The following ANK1 variants were observed in gnomAD, a reference collection of about 807,000 sequenced individuals.
ANK1 encodes the protein ankyrin-1.
ANK1 carries 51 observed loss-of-function variants against 210.4 expected under a neutral mutation model. That is an observed-to-expected ratio of 0.24 (90% CI 0.19 to 0.31). The LOEUF (loss-of-function observed/expected upper bound fraction) is 0.31. Ranked by LOEUF, ANK1 falls within the 10% of genes least tolerant of loss-of-function variation. The probability of loss-of-function intolerance (pLI) is 1.00; values close to 1 mark genes in which losing one functional copy is unlikely to be tolerated. For missense variants in ANK1, 2,051 were observed against 2,504.4 expected (o/e 0.82, Z 3.86); for synonymous variants, 967 against 1,025.9 (o/e 0.94, Z 1.10).
chr8:41,693,853 C>A (rs116835550), intron 29 of ANK1, 45 bp downstream of exon 29: 1 of 1,559,974 alleles, frequency 6.4e-7, no homozygotes, highest in East Asian at 2.4e-5. Context: ...GTTCCAGACG[C>A]ACTGCAGCAG....
Position 41,725,803 on chromosome 8 carries a change from C to T in ANK1, c.570G>A (p.Ala190=), listed in dbSNP as rs750102641. The change falls in exon 6 of 43, where the codon GCG becomes GCA. Residue 190 remains alanine, a synonymous_variant. Coordinates refer to ENST00000289734, the MANE Select transcript of ANK1 (RefSeq NM_000037.4). ...GGTTGGGGTCGTTCTGCAGCAGCAC[C>T]GCAGCCGTGCGCGTGTCGTCGTTGC... ...AARNDDTRTA[A]VLLQNDPNPD... is the part of the protein sequence containing the mutation. 1 of 1,611,676 alleles carries T rather than the reference C, an allele frequency of 6.2e-7. No homozygotes were observed. Among genetic ancestry groups the T allele is most frequent in the African/African-American group, 1.3e-5 (1 of 75,022 alleles).
At chr8:41,751,751 G>A (rs961427246) in intron 2 of ANK1, among the ~76,000 whole-genome samples, 6 of 152,002 alleles carry the variant, frequency 3.9e-5, no homozygotes, top group Admixed American at 2.6e-4. Flanking sequence ...CAGTCTTGCC[G>A]CTCTTGTCCC....
chr8:41,800,209 C>CA (rs1849644328), upstream of ANK1, among the ~76,000 whole-genome samples: 1 of 152,122 alleles, frequency 6.6e-6, no homozygotes, highest in South Asian at 2.1e-4. Flanking sequence ...CTTTGTTTAA[C>CA]AAACATATAT....
intron 21 of ANK1, 144 bp from the exon 22 acceptor site, chr8:41,701,766 C>T: frequency 5.5e-6 from 5 of 910,848 alleles, no homozygotes; most frequent in Admixed American, 2.0e-5. Flanking sequence ...TGGAAGCTGC[C>T]GGGCAGGAAC....
At chr8:41,767,278 G>GGCCCCGGCCCCGATCCCCGC (rs1842041655) in intron 1 of ANK1, among the ~76,000 whole-genome samples, 1 of 151,724 alleles carries the variant, frequency 6.6e-6, no homozygotes, top group Non-Finnish European at 1.5e-5. Context: ...CCCCGGCCCC[G>GGCCCCGGCCCCGATCCCCGC]GCCCCGGCCC....
chr8:41,706,262 A>G, intron 17 of ANK1, 21 bp from the exon 18 acceptor site: 3 of 1,601,630 alleles, frequency 1.9e-6, no homozygotes, highest in Non-Finnish European at 2.6e-6. Context: ...AAAGACGTTC[A>G]TCACCTTCTA....
chr8:41,665,356 G>T (rs749758122), intron 39 of ANK1: 3 of 1,128,474 alleles, frequency 2.7e-6, no homozygotes, highest in Non-Finnish European at 3.5e-6. Flanking sequence ...GAAGGAAGCC[G>T]GCAGGTGCCC....
Position 41,723,238 on chromosome 8 carries a change from G to T in ANK1, c.811-15C>A. The T allele has an allele frequency of 6.2e-7, 1 of 1,613,682 alleles. No homozygotes were observed. The highest frequency in any genetic ancestry group is 8.5e-7 in the Non-Finnish European group (1 of 1,179,574). On this transcript the variant is annotated splice_polypyrimidine_tract_variant and intron_variant, in intron 8 of 42. Coordinates refer to ENST00000289734, the MANE Select transcript of ANK1 (RefSeq NM_000037.4). ...GTCAATTCGTCCTTTAAAAGACAGA[G>T]TCAAAAACAGAAAGCCCAAAAGGCA...
chr8:41,753,094 GCT>G (rs1216954691), intron 2 of ANK1, among the ~76,000 whole-genome samples: 1 of 127,452 alleles, frequency 7.8e-6, no homozygotes, highest in Non-Finnish European at 1.6e-5. Flanking sequence ...ACAGAGTCTT[GCT>G]CTGTTGCCCA....
At position 41,696,501 on chromosome 8, in the gene ANK1, C is replaced by G. The variant is rs762859559; in HGVS notation, c.2822G>C (p.Arg941Pro). 6.2e-7 allele frequency: 1 copy of G among 1,613,534 alleles called. No individual in the cohort carries two copies. Among genetic ancestry groups the G allele is most frequent in the Non-Finnish European group, 8.5e-7 (1 of 1,179,996 alleles). The stretch of plus-strand genomic sequence containing the variant: ...GATGCGGGTGGGCGCTGCGCACGTC[C>G]GTGGCGGGATCACCACTCGCAGGCC... Reference protein sequence around the residue: ...HNGLRVVIPPRTCAAPTRITC... With the variant: ...HNGLRVVIPPPTCAAPTRITC... Residue 941 changes from arginine (R) to proline (P), a missense_variant, in exon 26 of 43, where the codon CGG (arginine) becomes CCG (proline). Physicochemically the swap from Arg to Pro is moderately radical, Grantham distance 103. This residue lies in a region of ANK1 where 1,413 missense variants were observed against 1,707.4 expected (regional missense o/e 0.83). Transcript: ENST00000289734.
Position 41,769,977 on chromosome 8 carries a change from C to CTTTTTT in ANK1, c.28-11846_28-11841dup, listed in dbSNP as rs59542968. 8.8e-4 allele frequency among the ~76,000 whole-genome samples: 76 copies of CTTTTTT among 86,646 alleles called. 1 individual carries two copies. Among genetic ancestry groups the CTTTTTT allele is most frequent in the Admixed American group, 1.1e-3 (7 of 6,364 alleles). The allele number at this position is 86,646 out of a possible 152,430, so 56.8% of individuals were successfully genotyped here. A position where few individuals can be genotyped will look rare whatever the true frequency, so the allele number is the denominator to read the frequency against. ...ATATCTTCTTTTTTTTTTCTTTTTT[C>CTTTTTT]TTTTTTTTTTTTTTTTTTTTTGAGG... is the stretch of plus-strand genomic sequence containing the variant. On this transcript the variant is annotated intron_variant, in intron 1 of 42. Coordinates refer to ENST00000289734, the MANE Select transcript of ANK1 (RefSeq NM_000037.4).
chr8:41,673,191 GA>G (rs1813024112), intron 37 of ANK1, among the ~76,000 whole-genome samples: 1 of 152,226 alleles, frequency 6.6e-6, no homozygotes, highest in Admixed American at 6.5e-5. Flanking sequence ...GGATGGCGAA[GA>G]GGAGATTGGA....
chr8:41,836,001 G>C (rs113863873), intron 1 of ANK1, among the ~76,000 whole-genome samples: 14 of 152,342 alleles, frequency 9.2e-5, no homozygotes, highest in African/African-American at 3.4e-4. Context: ...CCACGGCTCA[G>C]GTCTGATCTG....
rs1314906488 is a variant in ANK1, at chr8:41,653,401, A to G, written c.*2389T>C. On this transcript the variant is annotated 3_prime_UTR_variant, in exon 43 of 43. Coordinates refer to ENST00000289734, the MANE Select transcript of ANK1 (RefSeq NM_000037.4). Reference sequence around the variant, plus strand: ...ATCAAGGTAATTTCAAAACTTCTAAAAAGCGTCTAATGTGCAGACTGCAGC... The same window carrying G: ...ATCAAGGTAATTTCAAAACTTCTAAGAAGCGTCTAATGTGCAGACTGCAGC... The G allele has an allele frequency of 6.6e-6, 1 of 152,660 alleles. No individual in the cohort carries two copies. Among genetic ancestry groups the G allele is most frequent in the African/African-American group, 2.4e-5 (1 of 41,466 alleles). 9.5% of individuals were successfully genotyped at this position (152,660 alleles called of 1,614,324 possible). A position where few individuals can be genotyped will look rare whatever the true frequency, so the allele number is the denominator to read the frequency against.
intron 2 of ANK1, among the ~76,000 whole-genome samples, chr8:41,734,610 G>T (rs1832978332): frequency 6.6e-6 from 1 of 152,176 alleles, no homozygotes; most frequent in South Asian, 2.1e-4. Context: ...TAGCCCCTTT[G>T]GCCCAGTACA....
chr8:41,662,877 G>A (rs1345184929), intron 40 of ANK1, among the ~76,000 whole-genome samples: 1 of 151,938 alleles, frequency 6.6e-6, no homozygotes, highest in Admixed American at 6.6e-5. Context: ...ATGTCTCTGA[G>A]TTAATATCTG....
In ANK1 at chr8:41,715,767, G is replaced by A. The variant is rs1426296306; in HGVS notation, c.1487C>T (p.Pro496Leu). 1 of 1,614,210 alleles carries A rather than the reference G, an allele frequency of 6.2e-7. No individual in the cohort carries two copies. Among genetic ancestry groups the A allele is most frequent in the Middle Eastern group, 1.7e-4 (1 of 6,056 alleles). ...GTGCCCGGCGGTGGTGGCCAGGTTG[G>A]GGTTGGCGTTATTTTCCAGCAGGAG... The part of the protein sequence containing the change: ...VKLLLENNAN[P>L]NLATTAGHTP... Residue 496 changes from proline (P) to leucine (L), a missense_variant, in exon 14 of 43, where the codon CCC (proline) becomes CTC (leucine). This residue lies in a region of ANK1 where 1,413 missense variants were observed against 1,707.4 expected (regional missense o/e 0.83). Transcript: ENST00000289734.
At chr8:41,681,733 G>A (rs1173088791) in intron 37 of ANK1, among the ~76,000 whole-genome samples, 1 of 148,876 alleles carries the variant, frequency 6.7e-6, no homozygotes, top group Non-Finnish European at 1.5e-5. Flanking sequence ...AGCCTGTAGT[G>A]CCCCCCCACC....
At chr8:41,841,950 T>A (rs1175523280) in intron 1 of ANK1, among the ~76,000 whole-genome samples, 4 of 152,216 alleles carry the variant, frequency 2.6e-5, no homozygotes, top group Non-Finnish European at 4.4e-5. Flanking sequence ...CTGCTGTTGC[T>A]CCTGTTGCTG....
Sources: allele counts gnomAD v4.1 joint callset (sites outside exome capture counted in the v4.1 genomes callset), GRCh38; gene constraint gnomAD v4.1.1; regional missense constraint gnomAD v4.1.1; transcripts MANE v1.5; gene names NCBI Gene and HGNC (gene_info 2026-07-23, HGNC 2026-07-21).